The following DNAAF5 variants were observed in gnomAD, a reference collection of about 807,000 sequenced individuals.
DNAAF5 encodes the protein HEAT repeat containing 2.
In DNAAF5, 64 loss-of-function variants were observed where a neutral mutation model predicts 75.8. The observed-to-expected ratio is 0.84, with a 90% CI of 0.69 to 1.04. The LOEUF is 1.04. DNAAF5 is among the 50% of genes least tolerant of loss of function. The probability of loss-of-function intolerance (pLI) is 0.00; values close to 1 mark genes in which losing one functional copy is unlikely to be tolerated. For synonymous variants in DNAAF5, 657 were observed against 557.2 expected, an observed-to-expected ratio of 1.18 and a Z score of -2.52; for missense variants, 1,269 against 1,178.5, an observed-to-expected ratio of 1.08 and a Z score of -1.12.
In DNAAF5 at chr7:726,971, G is replaced by T; in HGVS notation, c.251G>T (p.Cys84Phe). 1 of 1,308,712 alleles carries T rather than the reference G, an allele frequency of 7.6e-7. No homozygotes were observed. Among genetic ancestry groups the T allele is most frequent in the Non-Finnish European group, 9.8e-7 (1 of 1,024,268 alleles). 81.1% of individuals were successfully genotyped at this position (1,308,712 alleles called of 1,614,324 possible). Residue 84 changes from cysteine to phenylalanine, a missense_variant, in exon 1 of 13, where the codon TGC becomes TTC. Coordinates refer to ENST00000297440, the MANE Select transcript of DNAAF5 (RefSeq NM_017802.4). ...ARLLLPRLLR[C>F]LSDPAEGCRA... ...CTACTGCTGCCGCGCTTGCTGCGCT[G>T]CCTGAGCGACCCCGCCGAGGGCTGC...
chr7:742,180 C>CT (rs1781931472), intron 4 of DNAAF5, among the ~76,000 whole-genome samples: 1 of 152,200 alleles, frequency 6.6e-6, no homozygotes, highest in Non-Finnish European at 1.5e-5. Flanking sequence ...GTGTCTTCCA[C>CT]TTGCACGCGG....
intron 2 of DNAAF5, among the ~76,000 whole-genome samples, chr7:739,103 C>CTGACAGGCTTTGCAGCATCTCAG (rs1562377082): frequency 2.5e-4 from 25 of 101,394 alleles, no homozygotes; most frequent in Middle Eastern, 4.6e-3. Context: ...CGCCCTCTGC[C>CTGACAGGCTTTGCAGCATCTCAG]CCATCACTGT....
chr7:735,857 T>C (rs1781727359), intron 2 of DNAAF5, among the ~76,000 whole-genome samples: 1 of 152,230 alleles, frequency 6.6e-6, no homozygotes, highest in African/African-American at 2.4e-5. Flanking sequence ...TTCTTTACGA[T>C]GCAGTGTTAG....
chr7:757,090 C>T (rs1286511620), intron 6 of DNAAF5, 96 bp downstream of exon 6: 16 of 1,248,012 alleles, frequency 1.3e-5, no homozygotes, highest in East Asian at 1.3e-4. Context: ...TGCCCTGTGC[C>T]GCCAGGCTGG....
chr7:771,633 G>C (rs1195227737), intron 9 of DNAAF5: 1 of 152,282 alleles, frequency 6.6e-6, no homozygotes, highest in East Asian at 1.9e-4. Context: ...GCTTAGAACG[G>C]ACCATAGAAA....
At chr7:733,963 C>A (rs1475623423) in intron 2 of DNAAF5, among the ~76,000 whole-genome samples, 1 of 152,114 alleles carries the variant, frequency 6.6e-6, no homozygotes, top group Non-Finnish European at 1.5e-5. Flanking sequence ...GATTTTGTAT[C>A]CTGCAACTTT....
At chr7:770,799 A>T in intron 9 of DNAAF5, 181 bp downstream of exon 9, 1 of 540,128 alleles carries the variant, frequency 1.9e-6, no homozygotes, top group Non-Finnish European at 3.2e-6. Context: ...GGGGGTCCCC[A>T]CCTCCCTCCC....
chr7:779,933 G>A lies in DNAAF5; in HGVS notation c.2240-20G>A, dbSNP rs533719575. On this transcript the variant is annotated intron_variant, in intron 11 of 12. Transcript: ENST00000297440. ...ATGTCTGCTCTAGACTCACACACCT[G>A]TCTCGCTCCCTCCTTCCAGAACTCT... 3.7e-6 allele frequency: 6 copies of A among 1,610,316 alleles called. No homozygotes were observed. Among genetic ancestry groups the A allele is most frequent in the Admixed American group, 1.7e-5 (1 of 59,916 alleles).
intron 9 of DNAAF5, 146 bp from the exon 10 acceptor site, chr7:773,901 TC>T: frequency 1.2e-6 from 1 of 856,204 alleles, no homozygotes; most frequent in South Asian, 1.6e-5. Context: ...GAGAAGCAGC[TC>T]CTGAGAGGAG....
At chr7:773,444 T>C (rs1236946810) in intron 9 of DNAAF5, among the ~76,000 whole-genome samples, 50 of 152,056 alleles carry the variant, frequency 3.3e-4, no homozygotes, top group South Asian at 6.2e-4. Flanking sequence ...TGAGTTTGTC[T>C]TGGTGGCACT....
chr7:761,865 C>A lies in DNAAF5; in HGVS notation c.1583C>A (p.Ala528Asp). 3 of 1,586,708 alleles carry A rather than the reference C, an allele frequency of 1.9e-6. No individual in the cohort carries two copies. The highest frequency in any genetic ancestry group is 2.6e-6 in the Non-Finnish European group (3 of 1,166,976). Reference sequence around the variant, plus strand: ...TTGGACGTGCTGCTGACAATAGTGGCCCTCGCAGGTGCTACCGGCCTGAGG... The same window carrying A: ...TTGGACGTGCTGCTGACAATAGTGGACCTCGCAGGTGCTACCGGCCTGAGG... ...QLLDVLLTIVALAGATGLRDK... is the reference protein window; with the variant it reads ...QLLDVLLTIVDLAGATGLRDK... Residue 528 changes from alanine (A) to aspartate (D), a missense_variant, in exon 7 of 13, where the codon GCC (alanine) becomes GAC (aspartate). Transcript: ENST00000297440.
intron 2 of DNAAF5, among the ~76,000 whole-genome samples, chr7:735,274 C>A (rs1781703139): frequency 6.7e-6 from 1 of 150,024 alleles, no homozygotes; most frequent in Admixed American, 6.6e-5. Flanking sequence ...CATGGTGTAG[C>A]TGCTCACAGT....
intron 12 of DNAAF5, among the ~76,000 whole-genome samples, chr7:784,928 A>G (rs1779101193): frequency 6.6e-6 from 1 of 152,186 alleles, no homozygotes; most frequent in African/African-American, 2.4e-5. Context: ...CCCACCCAGC[A>G]GCATCAGGTT....
At position 754,672 on chromosome 7, in the gene DNAAF5, G is replaced by A. The variant is rs200573334; in HGVS notation, c.1108G>A (p.Asp370Asn). The change falls in exon 5 of 13, where the codon GAC (aspartate) becomes AAC (asparagine). Residue 370 changes from aspartate to asparagine, a missense_variant. Transcript: ENST00000297440. The surrounding 1 kb of genome is among the most constrained non-coding windows in gnomAD (Gnocchi z 4.8). ...CCCTGCCCTGTGCCACGACATCACC[G>A]ACTGGGTGGTGGGGACCCGAGTGAA... is the stretch of plus-strand genomic sequence containing the variant. The part of the protein sequence containing the change: ...ILPALCHDIT[D>N]WVVGTRVKSA... 1.2e-5 allele frequency: 19 copies of A among 1,614,058 alleles called. No individual in the cohort carries two copies. Among genetic ancestry groups the A allele is most frequent in the South Asian group, 4.4e-5 (4 of 91,078 alleles).
chr7:779,465 A>G (rs980812015), intron 11 of DNAAF5, among the ~76,000 whole-genome samples: 2 of 152,218 alleles, frequency 1.3e-5, no homozygotes, highest in East Asian at 1.9e-4. Context: ...GTTTCTACCC[A>G]TCGGGAAGGA....
intron 4 of DNAAF5, among the ~76,000 whole-genome samples, chr7:743,300 A>G (rs1252526483): frequency 2.0e-5 from 3 of 152,134 alleles, no homozygotes; most frequent in African/African-American, 7.2e-5. Flanking sequence ...GCTTGGGTCC[A>G]GGAAGTTGAG....
chr7:775,166 G>C lies in DNAAF5; in HGVS notation c.2239+4G>C. Reference sequence around the variant, plus strand: ...AAACTCATCAGGATTTATCCTGGTAGGACATTTCTGTTGTTCACAGCCTGT... The same window carrying C: ...AAACTCATCAGGATTTATCCTGGTACGACATTTCTGTTGTTCACAGCCTGT... On this transcript the variant is annotated splice_donor_region_variant and intron_variant, in intron 11 of 12. Coordinates refer to ENST00000297440, the MANE Select transcript of DNAAF5 (RefSeq NM_017802.4). 2 of 1,613,954 alleles carry C rather than the reference G, an allele frequency of 1.2e-6. No individual in the cohort carries two copies. Among genetic ancestry groups the C allele is most frequent in the Non-Finnish European group, 1.7e-6 (2 of 1,179,870 alleles).
chr7:760,628 C>T (rs550125716), intron 6 of DNAAF5, among the ~76,000 whole-genome samples: 5 of 152,212 alleles, frequency 3.3e-5, no homozygotes, highest in African/African-American at 7.2e-5. Flanking sequence ...CCAGCCTGGG[C>T]GACAGAGCAA....
chr7:727,221 T>G lies in DNAAF5; in HGVS notation c.501T>G (p.Ala167=). ...CGCTCGCGCCCCACCTGGACGACGC[T>G]CTGCGCGCGCTGCGCTGCTCCCTGC... ...GAALAPHLDD[A]LRALRCSLLD... is the part of the protein sequence containing the mutation. Residue 167 remains alanine, a synonymous_variant, in exon 1 of 13, where the codon GCT becomes GCG. Coordinates refer to ENST00000297440, the MANE Select transcript of DNAAF5 (RefSeq NM_017802.4). The G allele has an allele frequency of 7.4e-7, 1 of 1,350,250 alleles. No individual in the cohort carries two copies. The highest frequency in any genetic ancestry group is 9.5e-7 in the Non-Finnish European group (1 of 1,050,686). The allele number at this position is 1,350,250 out of a possible 1,614,324, so 83.6% of individuals were successfully genotyped here. A position where few individuals can be genotyped will look rare whatever the true frequency, so the allele number is the denominator to read the frequency against.
Sources: gnomAD v4.1 joint callset for allele counts (sites outside exome capture counted in the v4.1 genomes callset) on GRCh38, gnomAD v4.1.1 for gene constraint, Gnocchi (gnomAD v3.1) non-coding constraint, MANE v1.5 for transcripts, NCBI Gene and HGNC (gene_info 2026-07-23, HGNC 2026-07-21) for gene names.